The following UBE3B variants were observed in gnomAD, a reference collection of about 807,000 sequenced individuals.
The protein encoded by UBE3B is ubiquitin-protein ligase E3B.
UBE3B carries 80 observed loss-of-function variants against 132.3 expected under a neutral mutation model. The ratio of observed to expected loss-of-function variants is 0.60; its 90% CI spans 0.50 to 0.73. The LOEUF is 0.73. UBE3B is among the 30% of genes least tolerant of loss of function. UBE3B has a pLI of 0.00. For synonymous variants in UBE3B, 487 were observed against 520.4 expected (o/e 0.94, Z 0.87); for missense variants, 1,196 against 1,362.5 (o/e 0.88, Z 1.92).
chr12:109,545,006 C>T, the UBE3B span, among the ~76,000 whole-genome samples: 3 of 152,202 alleles, frequency 2.0e-5, no homozygotes, highest in African/African-American at 7.2e-5. Context: ...GACTCAAAGC[C>T]AGGATATGAG....
chr12:109,526,556 G>A (rs973000820), intron 24 of UBE3B, 140 bp downstream of exon 24: 18 of 884,518 alleles, frequency 2.0e-5, no homozygotes, highest in Admixed American at 2.3e-5. Context: ...ACTGGTTACA[G>A]TTCATAGGCC....
At chr12:109,505,419 G>A (rs1377348976) in intron 14 of UBE3B, among the ~76,000 whole-genome samples, 2 of 152,124 alleles carry the variant, frequency 1.3e-5, no homozygotes, top group Non-Finnish European at 2.9e-5. Flanking sequence ...TCTAGTCTAC[G>A]CTACATGAGT....
Position 109,534,060 on chromosome 12 carries a change from A to C in UBE3B, c.3015+502A>C, listed in dbSNP as rs1265272107. 1 of 1,294,578 alleles carries C rather than the reference A, an allele frequency of 7.7e-7. No individual in the cohort carries two copies. Among genetic ancestry groups the C allele is most frequent in the Admixed American group, 2.3e-5 (1 of 43,690 alleles). The allele number at this position is 1,294,578 out of a possible 1,614,324, so 80.2% of individuals were successfully genotyped here. On this transcript the variant is annotated intron_variant, in intron 27 of 27. Coordinates refer to ENST00000342494, the MANE Select transcript of UBE3B (RefSeq NM_130466.4). The surrounding 1 kb of genome is among the most constrained non-coding windows in gnomAD (Gnocchi z 5.2). ...AAGCCTGGCCCACTGTGGGTGCTCA[A>C]ATGAGAGTCCTACTCCCCATAAAAA...
At chr12:109,479,551 G>A (rs767112113) in intron 1 of UBE3B, among the ~76,000 whole-genome samples, 1 of 152,202 alleles carries the variant, frequency 6.6e-6, no homozygotes, top group Non-Finnish European at 1.5e-5. Context: ...TTTCTGCTGC[G>A]CACAGCCTTT....
At chr12:109,481,019 G>A (rs1875301036) in intron 1 of UBE3B, among the ~76,000 whole-genome samples, 2 of 151,706 alleles carry the variant, frequency 1.3e-5, no homozygotes, top group Admixed American at 1.3e-4. Flanking sequence ...GCAGGAGAAT[G>A]GCATGAACCC....
chr12:109,515,705 C>T (rs1043493136), intron 18 of UBE3B, among the ~76,000 whole-genome samples: 1 of 152,142 alleles, frequency 6.6e-6, no homozygotes, highest in Non-Finnish European at 1.5e-5. Context: ...AAGTTCTTGA[C>T]TTTGGGGGAG....
chr12:109,541,399 C>T (rs1001746544), downstream of UBE3B, among the ~76,000 whole-genome samples: 2 of 152,214 alleles, frequency 1.3e-5, no homozygotes, highest in South Asian at 4.1e-4. Flanking sequence ...CATTTCACTT[C>T]TCGGAGATTC....
intron 23 of UBE3B, among the ~76,000 whole-genome samples, chr12:109,525,688 T>C (rs1201701638): frequency 2.0e-5 from 3 of 152,298 alleles, no homozygotes; most frequent in African/African-American, 7.2e-5. Flanking sequence ...TATAATCAGA[T>C]GTTGAGGCTT....
At chr12:109,517,347 CTT>C (rs1881189108) in intron 19 of UBE3B, among the ~76,000 whole-genome samples, 1 of 152,196 alleles carries the variant, frequency 6.6e-6, no homozygotes. Flanking sequence ...GCCAGAAGTT[CTT>C]TGTAGACAGA....
intron 4 of UBE3B, 121 bp downstream of exon 4, chr12:109,484,102 T>C: frequency 9.1e-7 from 1 of 1,101,914 alleles, no homozygotes; most frequent in South Asian, 1.9e-5. Context: ...TCACATCCTG[T>C]CCCTTTTGTT....
At position 109,510,459 on chromosome 12, in the gene UBE3B, G is replaced by A; in HGVS notation, c.1856+1G>A. The A allele has an allele frequency of 6.2e-7, 1 of 1,608,130 alleles. No homozygotes were observed. Among genetic ancestry groups the A allele is most frequent in the Non-Finnish European group, 8.5e-7 (1 of 1,177,476 alleles). ...CCCCCGAGGACCACTGGCTGCGAAA[G>A]TGAGCTCCAGGGGTGAGGAGGGCTC... On this transcript the variant is annotated splice_donor_variant, in intron 17 of 27. Coordinates refer to ENST00000342494, the MANE Select transcript of UBE3B (RefSeq NM_130466.4). LOFTEE classifies it high-confidence loss of function.
chr12:109,485,882 C>A, intron 4 of UBE3B, 130 bp from the exon 5 acceptor site: 1 of 938,948 alleles, frequency 1.1e-6, no homozygotes, highest in Non-Finnish European at 1.6e-6. Context: ...GAAGGAACTG[C>A]ATGTGATTAT....
At chr12:109,484,694 ATTT>A (rs1207696151) in intron 4 of UBE3B, among the ~76,000 whole-genome samples, 1 of 126,844 alleles carries the variant, frequency 7.9e-6, no homozygotes, top group Non-Finnish European at 1.7e-5. Flanking sequence ...CCAGCCTCTG[ATTT>A]TTTTTTTTTT....
At position 109,529,922 on chromosome 12, in the gene UBE3B, G is replaced by A. The variant is rs757976738; in HGVS notation, c.2660G>A (p.Arg887Gln). The change falls in exon 25 of 28, where the codon CGA (arginine) becomes CAA (glutamine). Residue 887 changes from arginine to glutamine, a missense_variant. Transcript: ENST00000342494. ...TACATCCATCTGATGGCACATTTTC[G>A]AATGCACACTCAAATAAAAAACCAA... is the stretch of plus-strand genomic sequence containing the variant. ...ISYIHLMAHFRMHTQIKNQTA... is the reference protein window; with the variant it reads ...ISYIHLMAHFQMHTQIKNQTA... 9.3e-6 allele frequency: 15 copies of A among 1,614,082 alleles called. No homozygotes were observed. The highest frequency in any genetic ancestry group is 6.7e-5 in the East Asian group (3 of 44,880).
chr12:109,519,199 G>T (rs1881412970), intron 19 of UBE3B, among the ~76,000 whole-genome samples: 1 of 152,170 alleles, frequency 6.6e-6, no homozygotes, highest in African/African-American at 2.4e-5. Context: ...TTCAGTCAAG[G>T]TCACTTGGAT....
rs1883245803 is a variant in UBE3B at position 109,534,251 on chromosome 12, A to G, written c.3016-340A>G. The G allele has an allele frequency of 1.6e-6, 2 of 1,279,996 alleles. No homozygotes were observed. Among genetic ancestry groups the G allele is most frequent in the Admixed American group, 3.3e-5 (1 of 29,916 alleles). 79.3% of individuals were successfully genotyped at this position (1,279,996 alleles called of 1,614,324 possible). ...AGCACCGGTGAGGAGGGAGGAGTGC[A>G]TTCAGAAATGTTTGGGCACCTAACA... On this transcript the variant is annotated intron_variant, in intron 27 of 27. Coordinates refer to ENST00000342494, the MANE Select transcript of UBE3B (RefSeq NM_130466.4). The surrounding 1 kb of genome is among the most constrained non-coding windows in gnomAD (Gnocchi z 5.2).
intron 1 of UBE3B, among the ~76,000 whole-genome samples, chr12:109,480,675 T>C (rs1185976191): frequency 6.6e-6 from 1 of 151,104 alleles, no homozygotes; most frequent in Admixed American, 6.6e-5. Flanking sequence ...GACTTAGACA[T>C]TCTCCCTATA....
chr12:109,490,046 C>T (rs557336733), intron 8 of UBE3B, 42 bp downstream of exon 8: 2 of 1,571,630 alleles, frequency 1.3e-6, no homozygotes, highest in Middle Eastern at 1.7e-4. Flanking sequence ...TCTCCACTCT[C>T]CAACACCTGC....
chr12:109,510,993 C>T (rs1461449009), intron 17 of UBE3B, among the ~76,000 whole-genome samples: 13 of 152,182 alleles, frequency 8.5e-5, no homozygotes, highest in Non-Finnish European at 1.9e-4. Flanking sequence ...GTGGACCAGA[C>T]AGTCTCTGTT....
Sources: gnomAD v4.1 joint callset for allele counts (sites outside exome capture counted in the v4.1 genomes callset) on GRCh38, gnomAD v4.1.1 for gene constraint, Gnocchi (gnomAD v3.1) non-coding constraint, MANE v1.5 for transcripts, NCBI Gene and HGNC (gene_info 2026-07-23, HGNC 2026-07-21) for gene names.